The following CHID1 variants were observed in gnomAD, a reference collection of about 807,000 sequenced individuals.
The protein encoded by CHID1 is chitinase domain containing 1, also known as chitinase domain-containing protein 1.
CHID1 carries 44 observed loss-of-function variants against 55.4 expected under a neutral mutation model. The observed-to-expected ratio is 0.79, with a 90% CI of 0.62 to 1.02. The LOEUF (loss-of-function observed/expected upper bound fraction) is 1.02, where lower values mean the gene tolerates loss of function less well. Among genes scored for constraint, CHID1 ranks in the 50% least tolerant of loss-of-function variants. The probability of loss-of-function intolerance (pLI) is 0.00; values close to 1 mark genes in which losing one functional copy is unlikely to be tolerated. For synonymous variants in CHID1, 216 were observed against 212.9 expected (o/e 1.01, Z -0.13); for missense variants, 491 against 515.3 (o/e 0.95, Z 0.46).
At chr11:871,934 T>C (rs1300616554) in intron 10 of CHID1, among the ~76,000 whole-genome samples, 3 of 152,266 alleles carry the variant, frequency 2.0e-5, no homozygotes, top group East Asian at 3.9e-4. Context: ...CCCTTGACAC[T>C]GGGAGCCTCT....
upstream of CHID1, among the ~76,000 whole-genome samples, chr11:912,581 A>G (rs1362014491): frequency 1.3e-5 from 2 of 151,970 alleles, no homozygotes; most frequent in African/African-American, 4.8e-5. Context: ...GCGGTGGCTC[A>G]CGCTTGTAAT....
In CHID1 at chr11:870,492, G is replaced by A. The variant is rs2134098250; in HGVS notation, c.967C>T (p.Gln323Ter). 2 of 1,608,790 alleles carry A rather than the reference G, an allele frequency of 1.2e-6. No individual in the cohort carries two copies. The highest frequency in any genetic ancestry group is 8.5e-7 in the Non-Finnish European group (1 of 1,177,552). Reference protein sequence around the residue: ...REPVVGARYIQTLKDHRPRMV... With the variant: ...REPVVGARYI ...CGGGGCCTGTGGTCCTTCAGTGTCT[G>A]GATGTACCTGGGGAGACCAGGATAT... Residue 323 changes from glutamine (Q) to a stop codon, truncating the protein, a stop_gained, in exon 11 of 13, where the codon CAG becomes TAG. Coordinates refer to ENST00000323578, the MANE Select transcript of CHID1 (RefSeq NM_023947.4). LOFTEE classifies it high-confidence loss of function.
rs757215367 is a variant in CHID1, at chr11:902,240, G to A, written c.352C>T (p.Arg118Cys). ...PVWLQLKRRGREMFEVTGLHD... is the reference protein window; with the variant it reads ...PVWLQLKRRGCEMFEVTGLHD... ...AGGCCCGTGACCTCAAACATCTCAC[G>A]GCCACGTCTCTTCAGCTGCAGCCAG... is the stretch of plus-strand genomic sequence containing the variant. Residue 118 changes from arginine to cysteine, a missense_variant, in exon 4 of 13, where the codon CGT becomes TGT. Arg to Cys is a radical substitution (Grantham distance 180). Transcript: ENST00000323578. 4.4e-5 allele frequency: 71 copies of A among 1,613,766 alleles called. No individual in the cohort carries two copies. In the Middle Eastern group the frequency reaches 2.1e-3, roughly 49 times the overall value.
rs538833463 is a variant in CHID1, at chr11:878,724, CAG to C, written c.959+4422_959+4423del. Among the ~76,000 whole-genome samples, 307 of 151,850 alleles carry C rather than the reference CAG, an allele frequency of 2.0e-3. 2 individuals are homozygous for C. The highest frequency in any genetic ancestry group is 7.1e-3 in the African/African-American group (295 of 41,440). ...TTATTCTTTTTTTTTTAATTTGAGA[CAG>C]AGTCTCGCACTGTTGCCCAGGCTGG... On this transcript the variant is annotated intron_variant, in intron 10 of 12. Transcript: ENST00000323578.
At position 904,718 on chromosome 11, in the gene CHID1, C is replaced by T. The variant is rs755921692; in HGVS notation, c.99G>A (p.Thr33=). The T allele has an allele frequency of 1.1e-5, 18 of 1,614,112 alleles. No individual in the cohort carries two copies. Among genetic ancestry groups the T allele is most frequent in the Non-Finnish European group, 1.4e-5 (16 of 1,180,016 alleles). Residue 33 remains threonine, a synonymous_variant, in exon 2 of 13, where the codon ACG becomes ACA. Coordinates refer to ENST00000323578, the MANE Select transcript of CHID1 (RefSeq NM_023947.4). ...AGGCCACCCTTACCTTCTCCAGCAG[C>T]GTCTTTGAGGCGGCTTTTTTGGCAT... ...KSDAKKAASK[T]LLEKSQFSDK...
chr11:887,913 G>A (rs1225230764), intron 8 of CHID1, among the ~76,000 whole-genome samples: 3 of 152,232 alleles, frequency 2.0e-5, no homozygotes, highest in African/African-American at 7.2e-5. Flanking sequence ...GTGAGGCCAC[G>A]TGTCCAGGAT....
At chr11:899,089 G>C (rs995896603) in intron 7 of CHID1, among the ~76,000 whole-genome samples, 1 of 152,264 alleles carries the variant, frequency 6.6e-6, no homozygotes, top group African/African-American at 2.4e-5. Flanking sequence ...CATCAGGCCT[G>C]GCGCAGCAAT....
At chr11:890,775 G>T (rs1850750826) in intron 8 of CHID1, among the ~76,000 whole-genome samples, 1 of 152,218 alleles carries the variant, frequency 6.6e-6, no homozygotes, top group Non-Finnish European at 1.5e-5. Flanking sequence ...AGCAGGGCTG[G>T]AGGTCCGCAG....
chr11:903,877 C>G (rs1410745466), intron 2 of CHID1: 1 of 202,062 alleles, frequency 4.9e-6, no homozygotes, highest in Non-Finnish European at 1.0e-5. Context: ...GCTGGCCAAC[C>G]ACTGCCTGCC....
chr11:899,011 G>A (rs892862755), intron 7 of CHID1, among the ~76,000 whole-genome samples: 1 of 152,226 alleles, frequency 6.6e-6, no homozygotes, highest in African/African-American at 2.4e-5. Flanking sequence ...TCACCATCTG[G>A]GCCATCTTTC....
chr11:875,673 AC>A lies in CHID1; in HGVS notation c.960-5175del, dbSNP rs1003122016. 2.6e-5 allele frequency among the ~76,000 whole-genome samples: 4 copies of A among 152,130 alleles called. No homozygotes were observed. The highest frequency in any genetic ancestry group is 9.7e-5 in the African/African-American group (4 of 41,436). ...GGGGTGGCCATGAGGGGCTCGCCAC[AC>A]CATTCTATGCACTTCTATGCTTGAA... On this transcript the variant is annotated intron_variant, in intron 10 of 12. Transcript: ENST00000323578. The surrounding 1 kb of genome is among the most constrained non-coding windows in gnomAD (Gnocchi z 4.7).
intron 6 of CHID1, among the ~76,000 whole-genome samples, 175 bp from the exon 7 acceptor site, chr11:899,576 G>A (rs774832618): frequency 4.6e-5 from 7 of 152,250 alleles, no homozygotes; most frequent in Non-Finnish European, 8.8e-5. Context: ...GGAAGTGTGG[G>A]GGTCCCAGAG....
At chr11:876,148 G>A (rs148628888) in intron 10 of CHID1, among the ~76,000 whole-genome samples, 1 of 152,148 alleles carries the variant, frequency 6.6e-6, no homozygotes, top group African/African-American at 2.4e-5. Context: ...AGCAGGAGCC[G>A]GCACAGGTGC....
chr11:888,820 G>A (rs1362796749), intron 8 of CHID1, among the ~76,000 whole-genome samples: 2 of 151,258 alleles, frequency 1.3e-5, no homozygotes, highest in African/African-American at 2.4e-5. Context: ...ACTGGACCCC[G>A]GGCCCACACC....
At chr11:907,009 C>G (rs1025819258) in intron 1 of CHID1, among the ~76,000 whole-genome samples, 1 of 152,184 alleles carries the variant, frequency 6.6e-6, no homozygotes, top group Non-Finnish European at 1.5e-5. Context: ...GCCTAGGCAA[C>G]AGGAGCAAAA....
chr11:909,598 CAT>C (rs1421552686), intron 1 of CHID1, among the ~76,000 whole-genome samples: 3 of 152,248 alleles, frequency 2.0e-5, no homozygotes, highest in Non-Finnish European at 1.5e-5. Context: ...ACGTGTATGT[CAT>C]GTGTGCACAT....
chr11:901,794 C>T (rs915855439), intron 4 of CHID1, among the ~76,000 whole-genome samples: 7 of 152,162 alleles, frequency 4.6e-5, no homozygotes, highest in African/African-American at 1.2e-4. Context: ...CCCACCGTGG[C>T]GACCACCTCA....
Position 869,843 on chromosome 11 carries a change from G to A in CHID1, c.*15C>T. 1.2e-6 allele frequency: 2 copies of A among 1,608,750 alleles called. No individual in the cohort carries two copies. The highest frequency in any genetic ancestry group is 1.7e-6 in the Non-Finnish European group (2 of 1,175,938). On this transcript the variant is annotated 3_prime_UTR_variant, in exon 13 of 13. Coordinates refer to ENST00000323578, the MANE Select transcript of CHID1 (RefSeq NM_023947.4). ...TAGAAAAGAACACGTCCACCGCGGA[G>A]GCCGCAATGCCCACCTAGAGCAGGT...
Position 902,189 on chromosome 11 carries a change from G to T in CHID1, c.394+9C>A. On this transcript the variant is annotated intron_variant, in intron 4 of 12. Transcript: ENST00000323578. ...GGGGCAAGCACAGTCAAGCAGGAAGGATGAGAACCTTGGTCCACGTCGTGG... is the reference window on the plus strand; with the variant it reads ...GGGGCAAGCACAGTCAAGCAGGAAGTATGAGAACCTTGGTCCACGTCGTGG... 2.5e-6 allele frequency: 4 copies of T among 1,613,698 alleles called. No individual in the cohort carries two copies. The highest frequency in any genetic ancestry group is 2.5e-6 in the Non-Finnish European group (3 of 1,179,858).
Sources: gnomAD v4.1 joint callset for allele counts (sites outside exome capture counted in the v4.1 genomes callset) on GRCh38, gnomAD v4.1.1 for gene constraint, Gnocchi (gnomAD v3.1) non-coding constraint, MANE v1.5 for transcripts, NCBI Gene and HGNC (gene_info 2026-07-23, HGNC 2026-07-21) for gene names.